SLC1A2: variants seen among roughly 807,000 people sequenced by gnomAD.
SLC1A2 encodes excitatory amino acid transporter 2.
In SLC1A2, 15 loss-of-function variants were observed where a neutral mutation model predicts 48.8. That is an observed-to-expected ratio of 0.31 (90% confidence interval 0.21 to 0.47). The LOEUF is 0.47. SLC1A2 is among the 20% of genes least tolerant of loss of function. SLC1A2 has a pLI of 0.99. For synonymous variants in SLC1A2, 279 were observed against 272.6 expected (o/e 1.02, Z -0.23); for missense variants, 502 against 730.5 (o/e 0.69, Z 3.61).
intron 1 of SLC1A2, among the ~76,000 whole-genome samples, chr11:35,346,879 A>T (rs1286187925): frequency 3.3e-5 from 5 of 152,224 alleles, no homozygotes. Flanking sequence ...CACATCTTGG[A>T]CACAGGATGG....
chr11:35,297,536 T>C (rs1031281406), intron 6 of SLC1A2, among the ~76,000 whole-genome samples: 17 of 152,028 alleles, frequency 1.1e-4, no homozygotes, highest in African/African-American at 4.1e-4. Context: ...GATGGTGGTT[T>C]ATTGGAAAAA....
chr11:35,346,248 A>G (rs962870070), intron 1 of SLC1A2, among the ~76,000 whole-genome samples: 3 of 152,080 alleles, frequency 2.0e-5, no homozygotes, highest in Non-Finnish European at 4.4e-5. Flanking sequence ...GCTGCTTTCC[A>G]TTTGAGGCAT....
chr11:35,417,390 T>C (rs1360927679), intron 1 of SLC1A2, among the ~76,000 whole-genome samples: 4 of 152,236 alleles, frequency 2.6e-5, no homozygotes. Context: ...GGAAGACTAA[T>C]ATCATCCATC....
rs1013413503 is a variant in SLC1A2 at position 35,260,725 on chromosome 11, G to A, written c.*169C>T. On this transcript the variant is annotated 3_prime_UTR_variant, in exon 11 of 11. Transcript: ENST00000278379. ...CATTATTTGGCAAAGACACAGCACC[G>A]TGCCTGTCATCACTGACTCACAAGA... 11 of 611,808 alleles carry A rather than the reference G, an allele frequency of 1.8e-5. No individual in the cohort carries two copies. Among genetic ancestry groups the A allele is most frequent in the South Asian group, 8.0e-5 (4 of 50,016 alleles). The allele number at this position is 611,808 out of a possible 1,614,324, so 37.9% of individuals were successfully genotyped here.
chr11:35,370,985 C>G, intron 1 of SLC1A2: 2 of 985,362 alleles, frequency 2.0e-6, no homozygotes, highest in South Asian at 4.7e-5. Flanking sequence ...AGGGTACAGA[C>G]AGTCCCAAAG....
Position 35,260,900 on chromosome 11 carries a change from C to T in SLC1A2, c.1719G>A (p.Glu573=), listed in dbSNP as rs1033963024. 2 of 1,611,454 alleles carry T rather than the reference C, an allele frequency of 1.2e-6. No homozygotes were observed. The highest frequency in any genetic ancestry group is 1.7e-6 in the Non-Finnish European group (2 of 1,177,724). ...TTTGCTGAGACTCATATCCTTATTTCTCACGTTTCCAAGGTTCTTCCTCAA... is the reference window on the plus strand; with the variant it reads ...TTTGCTGAGACTCATATCCTTATTTTTCACGTTTCCAAGGTTCTTCCTCAA... The part of the protein sequence containing the change: ...CSVEEEPWKR[E]K Residue 573 remains glutamate, a synonymous_variant, in exon 11 of 11, where the codon GAG becomes GAA. Coordinates refer to ENST00000278379, the MANE Select transcript of SLC1A2 (RefSeq NM_004171.4).
chr11:35,324,279 C>G (rs1591474616), intron 1 of SLC1A2, among the ~76,000 whole-genome samples: 1 of 152,322 alleles, frequency 6.6e-6, no homozygotes, highest in African/African-American at 2.4e-5. Context: ...GGCTCAGAAA[C>G]AGATGTTAAA....
chr11:35,358,081 G>A (rs988498541), intron 1 of SLC1A2, among the ~76,000 whole-genome samples: 13 of 151,956 alleles, frequency 8.6e-5, no homozygotes, highest in African/African-American at 1.9e-4. Context: ...AGAGGCAAAG[G>A]TTACAGTGAG....
intron 1 of SLC1A2, among the ~76,000 whole-genome samples, chr11:35,318,852 T>C (rs1165387392): frequency 3.9e-5 from 6 of 152,244 alleles, no homozygotes; most frequent in Non-Finnish European, 7.3e-5. Context: ...TGCCCTGCCA[T>C]TCTAGCAAGA....
intron 1 of SLC1A2, among the ~76,000 whole-genome samples, chr11:35,325,554 T>C (rs1414686008): frequency 6.6e-6 from 1 of 152,192 alleles, no homozygotes; most frequent in Non-Finnish European, 1.5e-5. Context: ...CACAGGTTCT[T>C]TGTGACACTC....
At chr11:35,420,057 C>G, upstream of SLC1A2, 1 of 351,260 alleles carries the variant, frequency 2.8e-6, no homozygotes, top group Admixed American at 3.2e-5. Context: ...GAATAAATCT[C>G]TGGCCTTCAA....
intron 9 of SLC1A2, among the ~76,000 whole-genome samples, chr11:35,267,140 T>A (rs905147772): frequency 6.6e-6 from 1 of 152,196 alleles, no homozygotes; most frequent in Non-Finnish European, 1.5e-5. Context: ...CGTCTTGAGG[T>A]CATCCACAAA....
At chr11:35,312,025 C>A in intron 4 of SLC1A2, 173 bp downstream of exon 4, 1 of 566,932 alleles carries the variant, frequency 1.8e-6, no homozygotes, top group East Asian at 2.9e-5. Flanking sequence ...AACCAGGAGA[C>A]TCCAATCCCA....
intron 1 of SLC1A2, among the ~76,000 whole-genome samples, chr11:35,361,832 C>T (rs554237562): frequency 6.6e-6 from 1 of 152,190 alleles, no homozygotes; most frequent in South Asian, 2.1e-4. Context: ...CAAAAATTAA[C>T]TGGGCATGGT....
chr11:35,306,744 G>A (rs918868399), intron 4 of SLC1A2, among the ~76,000 whole-genome samples: 1 of 151,830 alleles, frequency 6.6e-6, no homozygotes, highest in Non-Finnish European at 1.5e-5. Context: ...TTTTCCATGT[G>A]TTCAAATATT....
chr11:35,317,483 T>C lies in SLC1A2; in HGVS notation c.51A>G (p.Arg17=), dbSNP rs1375772239. Residue 17 remains arginine (R), a synonymous_variant, in exon 2 of 11, where the codon CGA becomes CGG. Transcript: ENST00000278379. ...ANNMPKQVEV[R]MHDSHLGSEE... ...CTGAGCCAAGATGACTGTCGTGCAT[T>C]CGCACTTCCACCTGCTTGGGCATAT... The C allele has an allele frequency of 3.7e-6, 6 of 1,613,980 alleles. No individual in the cohort carries two copies. In the African/African-American group the frequency reaches 8.0e-5, roughly 22 times the overall value.
Position 35,255,410 on chromosome 11 carries a change from T to A in SLC1A2, c.*5484A>T, listed in dbSNP as rs959629269. The A allele has an allele frequency of 6.6e-6, 1 of 152,266 alleles. No homozygotes were observed. The highest frequency in any genetic ancestry group is 2.4e-5 in the African/African-American group (1 of 41,450). The allele number at this position is 152,266 out of a possible 1,614,324, so 9.4% of individuals were successfully genotyped here. A position where few individuals can be genotyped will look rare whatever the true frequency, so the allele number is the denominator to read the frequency against. On this transcript the variant is annotated 3_prime_UTR_variant, in exon 11 of 11. Coordinates refer to ENST00000278379, the MANE Select transcript of SLC1A2 (RefSeq NM_004171.4). ...ATCTCTTCCTGCAATGTGATACCCATGATAAAAACAAACCAAGAGGAAAAT... is the reference window on the plus strand; with the variant it reads ...ATCTCTTCCTGCAATGTGATACCCAAGATAAAAACAAACCAAGAGGAAAAT...
intron 1 of SLC1A2, among the ~76,000 whole-genome samples, chr11:35,332,797 T>C (rs1168868008): frequency 6.6e-6 from 1 of 152,192 alleles, no homozygotes; most frequent in African/African-American, 2.4e-5. Flanking sequence ...GGGCAGAAAT[T>C]GTTTTTGTAT....
chr11:35,354,412 G>A (rs182974313), intron 1 of SLC1A2, among the ~76,000 whole-genome samples: 12 of 152,172 alleles, frequency 7.9e-5, no homozygotes, highest in Admixed American at 3.9e-4. Context: ...AGTGGGCTAC[G>A]ATTACACTAC....
Sources: allele counts gnomAD v4.1 joint callset (sites outside exome capture counted in the v4.1 genomes callset), GRCh38; gene constraint gnomAD v4.1.1; transcripts MANE v1.5; gene names NCBI Gene and HGNC (gene_info 2026-07-23, HGNC 2026-07-21).